SLC30A1: variants seen among roughly 807,000 people sequenced by gnomAD.
SLC30A1 encodes proton-coupled zinc antiporter SLC30A1.
SLC30A1 carries 7 observed loss-of-function variants against 29.8 expected under a neutral mutation model. The observed-to-expected ratio is 0.23, with a 90% CI of 0.13 to 0.44. SLC30A1 has a LOEUF of 0.44. Ranked by LOEUF, SLC30A1 falls within the 20% of genes least tolerant of loss-of-function variation. SLC30A1 has a pLI of 1.00. For missense variants in SLC30A1, 446 were observed against 647.9 expected, an observed-to-expected ratio of 0.69 and a Z score of 3.38; for synonymous variants, 254 against 253.5, an observed-to-expected ratio of 1.00 and a Z score of -0.02.
In SLC30A1 at chr1:211,575,975, C is replaced by A. The variant is rs1308104508; in HGVS notation, c.937G>T (p.Val313Leu). 6.2e-7 allele frequency: 1 copy of A among 1,613,458 alleles called. No homozygotes were observed. The highest frequency in any genetic ancestry group is 8.5e-7 in the Non-Finnish European group (1 of 1,179,738). ...CAAAGAGTTGGATCTAAATATAGCA[C>A]CCAGCAAGGACCAGCCTCATAAACT... ...ASVYEAGPCW[V>L]LYLDPTLCVV... is the part of the protein sequence containing the mutation. The change falls in exon 2 of 2, where the codon GTG becomes TTG. Residue 313 changes from valine to leucine, a missense_variant. Val to Leu is a conservative substitution (Grantham distance 32). Coordinates refer to ENST00000367001, the MANE Select transcript of SLC30A1 (RefSeq NM_021194.3). The surrounding 1 kb of genome is among the most constrained non-coding windows in gnomAD (Gnocchi z 6.0).
chr1:211,578,065 C>T lies in SLC30A1; in HGVS notation c.548G>A (p.Gly183Asp). ...SDINVAPGEQ[G>D]PDQEETNTLV... is the part of the protein sequence containing the mutation. The stretch of plus-strand genomic sequence containing the variant: ...GGTGTTGGTCTCCTCCTGGTCGGGA[C>T]CCTGCTCGCCCGGGGCCACGTTGAT... Residue 183 changes from glycine to aspartate, a missense_variant, in exon 1 of 2, where the codon GGT (glycine) becomes GAT (aspartate). Gly to Asp is a moderately conservative substitution (Grantham distance 94). This residue lies in a region of SLC30A1 where 159 missense variants were observed against 161.1 expected (regional missense o/e 0.99). Transcript: ENST00000367001. The T allele has an allele frequency of 6.2e-7, 1 of 1,612,818 alleles. No individual in the cohort carries two copies. Among genetic ancestry groups the T allele is most frequent in the Non-Finnish European group, 8.5e-7 (1 of 1,179,724 alleles).
chr1:211,578,614 G>T lies in SLC30A1; in HGVS notation c.-2C>A. 6.4e-7 allele frequency: 1 copy of T among 1,557,914 alleles called. No individual in the cohort carries two copies. Among genetic ancestry groups the T allele is most frequent in the East Asian group, 2.3e-5 (1 of 43,212 alleles). On this transcript the variant is annotated 5_prime_UTR_variant, in exon 1 of 2. Transcript: ENST00000367001. ...CCGGTTCCGACCCCAACACCCCATG[G>T]CTGCGGCTGCGGGGCCCGCCGAGCC...
In SLC30A1 at chr1:211,575,193, C is replaced by T. The variant is rs910903525; in HGVS notation, c.*195G>A. Reference sequence around the variant, plus strand: ...CCAAAACAGTCACAGCATAGCTGTACTCTGTACTAATAATCACAAAATTGT... The same window carrying T: ...CCAAAACAGTCACAGCATAGCTGTATTCTGTACTAATAATCACAAAATTGT... On this transcript the variant is annotated 3_prime_UTR_variant, in exon 2 of 2. Coordinates refer to ENST00000367001, the MANE Select transcript of SLC30A1 (RefSeq NM_021194.3). The surrounding 1 kb of genome is among the most constrained non-coding windows in gnomAD (Gnocchi z 6.0). 2.3e-5 allele frequency: 13 copies of T among 555,576 alleles called. No homozygotes were observed. Among genetic ancestry groups the T allele is most frequent in the African/African-American group, 2.3e-4 (12 of 52,990 alleles). 34.4% of individuals were successfully genotyped at this position (555,576 alleles called of 1,614,324 possible). A position where few individuals can be genotyped will look rare whatever the true frequency, so the allele number is the denominator to read the frequency against.
rs1337026597 is a variant in SLC30A1, at chr1:211,577,200, T to C, written c.622+791A>G. ...GTTAAGCACCATTGAGCTTGGGTAG[T>C]AGGACACTGGTTGAGTCATTTCCAT... On this transcript the variant is annotated intron_variant, in intron 1 of 1. Coordinates refer to ENST00000367001, the MANE Select transcript of SLC30A1 (RefSeq NM_021194.3). This position sits in a 1 kb window ranked among gnomAD's most constrained non-coding sequence, Gnocchi z 4.5. Among the ~76,000 whole-genome samples, 1 of 152,248 alleles carries C rather than the reference T, an allele frequency of 6.6e-6. No homozygotes were observed. Among genetic ancestry groups the C allele is most frequent in the Non-Finnish European group, 1.5e-5 (1 of 68,044 alleles).
Position 211,578,096 on chromosome 1 carries a change from T to C in SLC30A1, c.517A>G (p.Ser173Gly). The change falls in exon 1 of 2, where the codon AGC becomes GGC. Residue 173 changes from serine to glycine, a missense_variant. Coordinates refer to ENST00000367001, the MANE Select transcript of SLC30A1 (RefSeq NM_021194.3). Reference protein sequence around the residue: ...PRVKSTRPGSSDINVAPGEQG... With the variant: ...PRVKSTRPGSGDINVAPGEQG... ...TCGCCCGGGGCCACGTTGATGTCGC[T>C]GCTCCCGGGGCGGGTGCTCTTAACG... 6.2e-7 allele frequency: 1 copy of C among 1,611,686 alleles called. No homozygotes were observed. The highest frequency in any genetic ancestry group is 1.3e-5 in the African/African-American group (1 of 75,036).
chr1:211,578,702 G>A lies in SLC30A1; in HGVS notation c.-90C>T, dbSNP rs1706753086. On this transcript the variant is annotated 5_prime_UTR_variant, in exon 1 of 2. Coordinates refer to ENST00000367001, the MANE Select transcript of SLC30A1 (RefSeq NM_021194.3). Reference sequence around the variant, plus strand: ...CGCGGAGGGTCGGCGACCGCGACACGGAGGAGCGCCCGAGTCGGGCCGTTC... The same window carrying A: ...CGCGGAGGGTCGGCGACCGCGACACAGAGGAGCGCCCGAGTCGGGCCGTTC... 1 of 1,317,590 alleles carries A rather than the reference G, an allele frequency of 7.6e-7. No homozygotes were observed. Among genetic ancestry groups the A allele is most frequent in the South Asian group, 1.7e-5 (1 of 60,530 alleles). 81.6% of individuals were successfully genotyped at this position (1,317,590 alleles called of 1,614,324 possible).
chr1:211,573,194 A>G lies in SLC30A1; in HGVS notation c.*2194T>C, dbSNP rs774539532. The G allele has an allele frequency of 6.6e-6, 1 of 152,068 alleles. No homozygotes were observed. The highest frequency in any genetic ancestry group is 1.5e-5 in the Non-Finnish European group (1 of 67,902). The allele number at this position is 152,068 out of a possible 1,614,324, so 9.4% of individuals were successfully genotyped here. A position where few individuals can be genotyped will look rare whatever the true frequency, so the allele number is the denominator to read the frequency against. Reference sequence around the variant, plus strand: ...AAACTCAAAAGGTGAGTCAGTGCCCACTGTTTCTGCCGACAGTCATTTGAA... The same window carrying G: ...AAACTCAAAAGGTGAGTCAGTGCCCGCTGTTTCTGCCGACAGTCATTTGAA... On this transcript the variant is annotated 3_prime_UTR_variant, in exon 2 of 2. Transcript: ENST00000367001.
chr1:211,573,630 C>T lies in SLC30A1; in HGVS notation c.*1758G>A, dbSNP rs1706680556. On this transcript the variant is annotated 3_prime_UTR_variant, in exon 2 of 2. Transcript: ENST00000367001. The stretch of plus-strand genomic sequence containing the variant: ...TCGCCCAGATGAGATCCCTCAATTT[C>T]ATGTTTAAAAAAAACCACCCAAACC... 1 of 152,000 alleles carries T rather than the reference C, an allele frequency of 6.6e-6. No homozygotes were observed. Among genetic ancestry groups the T allele is most frequent in the African/African-American group, 2.4e-5 (1 of 41,408 alleles). The allele number at this position is 152,000 out of a possible 1,614,324, so 9.4% of individuals were successfully genotyped here. A position where few individuals can be genotyped will look rare whatever the true frequency, so the allele number is the denominator to read the frequency against.
At position 211,572,465 on chromosome 1, in the gene SLC30A1, C is replaced by T. The variant is rs540378614; in HGVS notation, c.*2923G>A. ...ATACGAAATACTTCACATTAGGTTCCATAGGTCTTTTCCCTCAAAACTGTC... is the reference window on the plus strand; with the variant it reads ...ATACGAAATACTTCACATTAGGTTCTATAGGTCTTTTCCCTCAAAACTGTC... On this transcript the variant is annotated 3_prime_UTR_variant, in exon 2 of 2. Transcript: ENST00000367001. The T allele has an allele frequency of 2.8e-4, 43 of 152,110 alleles. No individual in the cohort carries two copies. Among genetic ancestry groups the T allele is most frequent in the African/African-American group, 9.4e-4 (39 of 41,526 alleles). The allele number at this position is 152,110 out of a possible 1,614,324, so 9.4% of individuals were successfully genotyped here.
chr1:211,578,066 C>G lies in SLC30A1; in HGVS notation c.547G>C (p.Gly183Arg). 2 of 1,612,834 alleles carry G rather than the reference C, an allele frequency of 1.2e-6. No individual in the cohort carries two copies. Among genetic ancestry groups the G allele is most frequent in the East Asian group, 4.5e-5 (2 of 44,870 alleles). Residue 183 changes from glycine to arginine, a missense_variant, in exon 1 of 2, where the codon GGT becomes CGT. Physicochemically the swap from Gly to Arg is moderately radical, Grantham distance 125. Transcript: ENST00000367001. ...SDINVAPGEQ[G>R]PDQEETNTLV... ...GTGTTGGTCTCCTCCTGGTCGGGAC[C>G]CTGCTCGCCCGGGGCCACGTTGATG... is the stretch of plus-strand genomic sequence containing the variant.
rs774075217 is a variant in SLC30A1 at position 211,576,292 on chromosome 1, A to G, written c.623-3T>C. 17 of 1,533,636 alleles carry G rather than the reference A, an allele frequency of 1.1e-5. No individual in the cohort carries two copies. Among genetic ancestry groups the G allele is most frequent in the African/African-American group, 4.2e-5 (3 of 71,768 alleles). Reference sequence around the variant, plus strand: ...ACCACTTCTGGGGTTTTCTGGGTCTACAAAGAAATAAAAATTTTATATCAA... The same window carrying G: ...ACCACTTCTGGGGTTTTCTGGGTCTGCAAAGAAATAAAAATTTTATATCAA... On this transcript the variant is annotated splice_region_variant and splice_polypyrimidine_tract_variant and intron_variant, in intron 1 of 1. Coordinates refer to ENST00000367001, the MANE Select transcript of SLC30A1 (RefSeq NM_021194.3).
At chr1:211,576,841 CAG>C (rs1433459438) in intron 1 of SLC30A1, among the ~76,000 whole-genome samples, 1 of 152,042 alleles carries the variant, frequency 6.6e-6, no homozygotes, top group Non-Finnish European at 1.5e-5. Flanking sequence ...TCAATAATCA[CAG>C]AGATTATTAG....
At position 211,578,504 on chromosome 1, in the gene SLC30A1, T is replaced by C. The variant is rs772414175; in HGVS notation, c.109A>G (p.Met37Val). Reference protein sequence around the residue: ...VVSRVTSSLAMLSDSFHMLSD... With the variant: ...VVSRVTSSLAVLSDSFHMLSD... ...AGCATGTGGAAGGAGTCGGAGAGCA[T>C]CGCCAGCGACGAGGTCACCCGGCTC... is the stretch of plus-strand genomic sequence containing the variant. Residue 37 changes from methionine to valine, a missense_variant, in exon 1 of 2, where the codon ATG becomes GTG. This residue lies in a region of SLC30A1 where 62 missense variants were observed against 91.5 expected (regional missense o/e 0.68). Coordinates refer to ENST00000367001, the MANE Select transcript of SLC30A1 (RefSeq NM_021194.3). 6.2e-7 allele frequency: 1 copy of C among 1,611,796 alleles called. No homozygotes were observed. The highest frequency in any genetic ancestry group is 8.5e-7 in the Non-Finnish European group (1 of 1,179,258).
chr1:211,576,706 A>G (rs1706723459), intron 1 of SLC30A1, among the ~76,000 whole-genome samples: 1 of 152,218 alleles, frequency 6.6e-6, no homozygotes, highest in African/African-American at 2.4e-5. Context: ...GGCACTCTCT[A>G]GTCACTCTTT....
rs1277521034 is a variant in SLC30A1 at position 211,572,138 on chromosome 1, A to C, written c.*3250T>G. On this transcript the variant is annotated 3_prime_UTR_variant, in exon 2 of 2. Coordinates refer to ENST00000367001, the MANE Select transcript of SLC30A1 (RefSeq NM_021194.3). ...TAGTAAAACAAAATAGCATTACCACATAGTATCGGTAGAGCTACATCAAAA... is the reference window on the plus strand; with the variant it reads ...TAGTAAAACAAAATAGCATTACCACCTAGTATCGGTAGAGCTACATCAAAA... 3 of 152,132 alleles carry C rather than the reference A, an allele frequency of 2.0e-5. No individual in the cohort carries two copies. The highest frequency in any genetic ancestry group is 4.4e-5 in the Non-Finnish European group (3 of 67,972). 9.4% of individuals were successfully genotyped at this position (152,132 alleles called of 1,614,324 possible).
chr1:211,577,263 A>G lies in SLC30A1; in HGVS notation c.622+728T>C, dbSNP rs1318436988. Among the ~76,000 whole-genome samples, 7 of 152,218 alleles carry G rather than the reference A, an allele frequency of 4.6e-5. No individual in the cohort carries two copies. The highest frequency in any genetic ancestry group is 1.3e-4 in the Admixed American group (2 of 15,282). On this transcript the variant is annotated intron_variant, in intron 1 of 1. Coordinates refer to ENST00000367001, the MANE Select transcript of SLC30A1 (RefSeq NM_021194.3). This position sits in a 1 kb window ranked among gnomAD's most constrained non-coding sequence, Gnocchi z 4.5. The stretch of plus-strand genomic sequence containing the variant: ...AACATTTATTTTCAAATTTCCTTCA[A>G]GAGCACTTAATGTTAAATATAAAAA...
Position 211,577,926 on chromosome 1 carries a change from A to AT in SLC30A1, c.622+64_622+65insA. The AT allele has an allele frequency of 6.3e-7, 1 of 1,592,792 alleles. No individual in the cohort carries two copies. Among genetic ancestry groups the AT allele is most frequent in the Non-Finnish European group, 8.5e-7 (1 of 1,170,350 alleles). On this transcript the variant is annotated intron_variant, in intron 1 of 1. Transcript: ENST00000367001. This position sits in a 1 kb window ranked among gnomAD's most constrained non-coding sequence, Gnocchi z 4.5. ...AGGGGGCGTGCGGGCCACCCCGCCG[A>AT]AGGCCAGGCGAGGCTCTGGGCACCC... is the stretch of plus-strand genomic sequence containing the variant.
rs1054907982 is a variant in SLC30A1, at chr1:211,577,083, T to A, written c.623-794A>T. On this transcript the variant is annotated intron_variant, in intron 1 of 1. Coordinates refer to ENST00000367001, the MANE Select transcript of SLC30A1 (RefSeq NM_021194.3). This position sits in a 1 kb window ranked among gnomAD's most constrained non-coding sequence, Gnocchi z 4.5. ...AATGTACAACTTGAATTTCACTAAC[T>A]TCATATTCTGCACTCGAAAAGGAAA... Among the ~76,000 whole-genome samples, 41 of 152,174 alleles carry A rather than the reference T, an allele frequency of 2.7e-4. No homozygotes were observed. The highest frequency in any genetic ancestry group is 9.4e-4 in the African/African-American group (39 of 41,440).
rs1263326083 is a variant in SLC30A1 at position 211,572,893 on chromosome 1, T to G, written c.*2495A>C. On this transcript the variant is annotated 3_prime_UTR_variant, in exon 2 of 2. Transcript: ENST00000367001. ...AAGTTTCTAAACACATATTCTACAC[T>G]GATCTTGCTCAAATATAAAAGAGCC... 6.6e-6 allele frequency: 1 copy of G among 152,122 alleles called. No individual in the cohort carries two copies. The highest frequency in any genetic ancestry group is 1.5e-5 in the Non-Finnish European group (1 of 67,944). 9.4% of individuals were successfully genotyped at this position (152,122 alleles called of 1,614,324 possible).
Sources: gnomAD v4.1 joint callset for allele counts (sites outside exome capture counted in the v4.1 genomes callset) on GRCh38, gnomAD v4.1.1 for gene constraint, gnomAD v4.1.1 regional missense constraint, Gnocchi (gnomAD v3.1) non-coding constraint, MANE v1.5 for transcripts, NCBI Gene and HGNC (gene_info 2026-07-23, HGNC 2026-07-21) for gene names.